Variants in XRCC4 observed in about 807,000 individuals in gnomAD.
XRCC4 encodes the protein DNA repair protein XRCC4.
In XRCC4, 28 loss-of-function variants were observed where a neutral mutation model predicts 39.1. The observed-to-expected ratio is 0.72, with a 90% CI of 0.53 to 0.98. The LOEUF is 0.98. XRCC4 is among the 50% of genes least tolerant of loss of function. XRCC4 has a pLI of 0.00. For missense variants in XRCC4, 350 were observed against 376.4 expected (o/e 0.93, Z 0.58); for synonymous variants, 123 against 126.4 (o/e 0.97, Z 0.18).
At chr5:83,111,492 A>C (rs999798879) in intron 3 of XRCC4, among the ~76,000 whole-genome samples, 8 of 152,052 alleles carry the variant, frequency 5.3e-5, no homozygotes, top group Non-Finnish European at 1.0e-4. Flanking sequence ...AAAAGGTGAG[A>C]TCAGAAGTTT....
At chr5:83,236,166 C>T (rs928279060) in intron 6 of XRCC4, among the ~76,000 whole-genome samples, 10 of 152,078 alleles carry the variant, frequency 6.6e-5, no homozygotes, top group African/African-American at 2.4e-4. Flanking sequence ...AGATTCAATG[C>T]AATCCCTATC....
chr5:83,118,074 ACACATATG>A (rs1390184533), intron 3 of XRCC4, among the ~76,000 whole-genome samples: 3 of 98,172 alleles, frequency 3.1e-5, no homozygotes, highest in African/African-American at 1.7e-4. Flanking sequence ...ACACACACAC[ACACATATG>A]TATATAGTGA....
In XRCC4 at chr5:83,329,517, C is replaced by T. The variant is rs190613800; in HGVS notation, c.894-23614C>T. ...GTTTTGAAACATATAAAAATATGGC[C>T]GACATCATTACTTCTCCATAAAACA... On this transcript the variant is annotated intron_variant, in intron 7 of 7. Coordinates refer to ENST00000396027, the MANE Select transcript of XRCC4 (RefSeq NM_003401.5). Among the ~76,000 whole-genome samples, 16 of 152,090 alleles carry T rather than the reference C, an allele frequency of 1.1e-4. No individual in the cohort carries two copies. In the East Asian group the frequency reaches 2.7e-3, roughly 26 times the overall value.
chr5:83,322,934 A>G (rs1580511363), intron 7 of XRCC4, among the ~76,000 whole-genome samples: 1 of 152,204 alleles, frequency 6.6e-6, no homozygotes, highest in South Asian at 2.1e-4. Context: ...GTAATTTGTC[A>G]CAGCAGTCAT....
chr5:83,103,009 G>GATATAT (rs56183616), intron 1 of XRCC4, among the ~76,000 whole-genome samples: 12,185 of 106,258 alleles, frequency 0.11, 1,349 homozygotes, highest in African/African-American at 0.24. Flanking sequence ...AGATAGAGCT[G>GATATAT]ATATATATAT....
At position 83,185,808 on chromosome 5, in the gene XRCC4, G is replaced by A. The variant is rs186799128; in HGVS notation, c.316-9962G>A. On this transcript the variant is annotated intron_variant, in intron 3 of 7. Coordinates refer to ENST00000396027, the MANE Select transcript of XRCC4 (RefSeq NM_003401.5). ...AATAGATTGCTAAATAACTGGTGAA[G>A]AAGCATTGGTTAGGTATTTGGAGAG... is the stretch of plus-strand genomic sequence containing the variant. 5.8e-3 allele frequency among the ~76,000 whole-genome samples: 880 copies of A among 152,188 alleles called. 3 individuals carry two copies. The highest frequency in any genetic ancestry group is 9.4e-3 in the Non-Finnish European group (637 of 67,964).
At chr5:83,372,515 T>C in the XRCC4 span, among the ~76,000 whole-genome samples, 1 of 152,072 alleles carries the variant, frequency 6.6e-6, no homozygotes, top group Non-Finnish European at 1.5e-5. Context: ...CCCCTGGGGG[T>C]AGCAGAATTT....
intron 6 of XRCC4, among the ~76,000 whole-genome samples, chr5:83,236,476 A>T (rs1752695120): frequency 6.6e-6 from 1 of 151,976 alleles, no homozygotes; most frequent in Non-Finnish European, 1.5e-5. Flanking sequence ...GGAAAAGAAC[A>T]GTCTCTTTGG....
At chr5:83,275,830 A>G (rs1190901849) in intron 7 of XRCC4, among the ~76,000 whole-genome samples, 1 of 152,210 alleles carries the variant, frequency 6.6e-6, no homozygotes, top group Non-Finnish European at 1.5e-5. Flanking sequence ...ATGAAAGTAA[A>G]GAAAGGGATT....
intron 6 of XRCC4, among the ~76,000 whole-genome samples, chr5:83,209,083 A>AGT (rs35019637): frequency 0.25 from 35,224 of 142,934 alleles, 4,506 homozygotes; most frequent in Non-Finnish European, 0.31. Flanking sequence ...CTCCAAAGTG[A>AGT]GTGTGTGTGT....
chr5:83,128,060 C>G (rs186719349), intron 3 of XRCC4, among the ~76,000 whole-genome samples: 3 of 151,948 alleles, frequency 2.0e-5, no homozygotes, highest in Admixed American at 6.6e-5. Context: ...TGCCATGTTG[C>G]TGTGCTGCAC....
chr5:83,176,472 T>C (rs993963365), intron 3 of XRCC4, among the ~76,000 whole-genome samples: 4 of 152,188 alleles, frequency 2.6e-5, no homozygotes, highest in Non-Finnish European at 5.9e-5. Flanking sequence ...CGTGGAAGGC[T>C]TATCTGTACT....
intron 3 of XRCC4, among the ~76,000 whole-genome samples, chr5:83,118,048 A>T (rs1746821327): frequency 1.0e-5 from 1 of 99,184 alleles, no homozygotes; most frequent in Non-Finnish European, 2.1e-5. Flanking sequence ...ACATCTCCAC[A>T]CACACACACA....
intron 3 of XRCC4, among the ~76,000 whole-genome samples, chr5:83,120,909 A>T (rs1045576931): frequency 2.0e-5 from 3 of 152,078 alleles, no homozygotes; most frequent in Non-Finnish European, 4.4e-5. Context: ...AACCTGCCCA[A>T]ATTTTTTAGT....
At chr5:83,113,588 A>G (rs1455600016) in intron 3 of XRCC4, among the ~76,000 whole-genome samples, 3 of 151,260 alleles carry the variant, frequency 2.0e-5, no homozygotes, top group African/African-American at 7.3e-5. Context: ...CTGCCCCTGC[A>G]GCAAACTTCT....
At chr5:83,346,426 C>T (rs1054376208) in intron 7 of XRCC4, among the ~76,000 whole-genome samples, 4 of 152,140 alleles carry the variant, frequency 2.6e-5, no homozygotes, top group African/African-American at 2.4e-5. Flanking sequence ...GAAAACTATC[C>T]GAACATATAC....
At chr5:83,154,281 A>G (rs562142167) in intron 3 of XRCC4, among the ~76,000 whole-genome samples, 3 of 152,134 alleles carry the variant, frequency 2.0e-5, no homozygotes, top group East Asian at 1.9e-4. Flanking sequence ...TAACTTAGGG[A>G]AAAAAAAGGT....
chr5:83,178,394 G>A (rs920244275), intron 3 of XRCC4, among the ~76,000 whole-genome samples: 15 of 152,104 alleles, frequency 9.9e-5, no homozygotes, highest in African/African-American at 3.6e-4. Context: ...GGAAGAGAAT[G>A]GGGAGAAAGA....
intron 7 of XRCC4, among the ~76,000 whole-genome samples, chr5:83,278,033 G>A (rs910012108): frequency 6.6e-6 from 1 of 152,126 alleles, no homozygotes; most frequent in Non-Finnish European, 1.5e-5. Flanking sequence ...GTTATTTACA[G>A]AGCTATTCAA....
Sources: gnomAD v4.1 joint callset for allele counts (sites outside exome capture counted in the v4.1 genomes callset) on GRCh38, gnomAD v4.1.1 for gene constraint, MANE v1.5 for transcripts, NCBI Gene and HGNC (gene_info 2026-07-23, HGNC 2026-07-21) for gene names.